Variants in ADAMTS20 observed in about 807,000 individuals in gnomAD.
The protein encoded by ADAMTS20 is A disintegrin and metalloproteinase with thrombospondin motifs 20.
A neutral mutation model predicts 260.1 loss-of-function variants in ADAMTS20; 225 were observed. The observed-to-expected ratio is 0.87, with a 90% CI of 0.78 to 0.97. The LOEUF (loss-of-function observed/expected upper bound fraction) is 0.97, where lower values mean the gene tolerates loss of function less well. Among genes scored for constraint, ADAMTS20 ranks in the 50% least tolerant of loss-of-function variants. The pLI, the probability that ADAMTS20 is intolerant of heterozygous loss-of-function variation, is 0.00. For missense variants in ADAMTS20, 2,400 were observed against 2,337.7 expected, an observed-to-expected ratio of 1.03 and a Z score of -0.55; for synonymous variants, 802 against 769.5, an observed-to-expected ratio of 1.04 and a Z score of -0.70.
intron 3 of ADAMTS20, among the ~76,000 whole-genome samples, chr12:43,511,998 T>C (rs1442091230): frequency 6.6e-6 from 1 of 152,030 alleles, no homozygotes; most frequent in African/African-American, 2.4e-5. Context: ...GGATCTATTA[T>C]ATGCCCTATG....
chr12:43,367,048 G>C (rs1019732121), intron 37 of ADAMTS20, among the ~76,000 whole-genome samples: 2 of 151,902 alleles, frequency 1.3e-5, no homozygotes, highest in African/African-American at 4.8e-5. Flanking sequence ...AATAAAGAGA[G>C]TAAATTGGTA....
intron 2 of ADAMTS20, among the ~76,000 whole-genome samples, chr12:43,543,999 T>G (rs1046528087): frequency 9.9e-5 from 15 of 152,212 alleles, no homozygotes; most frequent in African/African-American, 2.7e-4. Context: ...CAAAACCTAA[T>G]AGTGGCTGTT....
At chr12:43,439,551 G>GT in intron 18 of ADAMTS20, 71 bp downstream of exon 18, 4 of 1,531,390 alleles carry the variant, frequency 2.6e-6, no homozygotes, top group Non-Finnish European at 3.5e-6. Flanking sequence ...AGGCAGCCAA[G>GT]ACTCAAAAGT....
intron 28 of ADAMTS20, chr12:43,423,568 G>GTAA (rs1359804338): frequency 3.4e-6 from 2 of 593,812 alleles, no homozygotes; most frequent in East Asian, 2.8e-5. Flanking sequence ...TTCCAAGAAA[G>GTAA]TAATCCACAG....
At chr12:43,540,131 A>G (rs1235917108) in intron 2 of ADAMTS20, among the ~76,000 whole-genome samples, 1 of 152,098 alleles carries the variant, frequency 6.6e-6, no homozygotes, top group Non-Finnish European at 1.5e-5. Context: ...CAGCCTCCCA[A>G]AGTGCTGGGA....
intron 2 of ADAMTS20, among the ~76,000 whole-genome samples, chr12:43,537,284 A>T (rs1162020500): frequency 1.3e-5 from 2 of 151,554 alleles, no homozygotes; most frequent in Non-Finnish European, 2.9e-5. Flanking sequence ...CGAACTCCTG[A>T]GTTCAAGTGG....
rs77277409 is a variant in ADAMTS20 at position 43,502,358 on chromosome 12, T to G, written c.661A>C (p.Met221Leu). 3,211 of 1,608,714 alleles carry G rather than the reference T, an allele frequency of 2.0e-3. 62 individuals are homozygous for G. The African/African-American group carries it at 0.037, about 18-fold the overall frequency. The change falls in exon 4 of 39, where the codon ATG (methionine) becomes CTG (leucine). Residue 221 changes from methionine (M) to leucine (L), a missense_variant. Transcript: ENST00000389420. ...TTCATTACATTAAGATCTTCATTCA[T>G]GTTGCTGTAGGTATGAAAGGGTAAA... is the stretch of plus-strand genomic sequence containing the variant. ...TSLPFHTYSNMNEDLNVMKER... is the reference protein window; with the variant it reads ...TSLPFHTYSNLNEDLNVMKER...
chr12:43,383,467 A>C (rs910343445), intron 31 of ADAMTS20, 91 bp downstream of exon 31: 1 of 1,340,232 alleles, frequency 7.5e-7, no homozygotes, highest in African/African-American at 1.5e-5. Context: ...CCTCATATTC[A>C]AATTTTATAC....
intron 28 of ADAMTS20, among the ~76,000 whole-genome samples, chr12:43,414,557 G>A (rs188725504): frequency 1.6e-4 from 24 of 152,170 alleles, no homozygotes; most frequent in Non-Finnish European, 2.8e-4. Context: ...TTCCATAGGT[G>A]CTTCAGAAAA....
intron 37 of ADAMTS20, among the ~76,000 whole-genome samples, chr12:43,358,792 G>C (rs1172924651): frequency 7.7e-5 from 11 of 142,214 alleles, no homozygotes. Context: ...AGTCGAGATC[G>C]CGCCACTGCA....
chr12:43,523,887 A>G (rs1943105827), intron 3 of ADAMTS20, among the ~76,000 whole-genome samples: 1 of 150,030 alleles, frequency 6.7e-6, no homozygotes, highest in African/African-American at 2.4e-5. Context: ...CCACCCTGGT[A>G]GCTTAACACA....
rs182006014 is a variant in ADAMTS20 at position 43,516,997 on chromosome 12, G to A, written c.614-14592C>T. On this transcript the variant is annotated intron_variant, in intron 3 of 38. Coordinates refer to ENST00000389420, the MANE Select transcript of ADAMTS20 (RefSeq NM_025003.5). ...TCATCTTGGTACATGCAGGGAAAAAGCTGGATAAAATTCAACATCCATTCA... is the reference window on the plus strand; with the variant it reads ...TCATCTTGGTACATGCAGGGAAAAAACTGGATAAAATTCAACATCCATTCA... Among the ~76,000 whole-genome samples, 710 of 152,040 alleles carry A rather than the reference G, an allele frequency of 4.7e-3. 7 individuals carry two copies. The highest frequency in any genetic ancestry group is 0.013 in the Admixed American group (195 of 15,270).
chr12:43,363,320 A>G (rs1939914625), intron 37 of ADAMTS20, among the ~76,000 whole-genome samples: 1 of 152,200 alleles, frequency 6.6e-6, no homozygotes, highest in African/African-American at 2.4e-5. Flanking sequence ...AGGCAAGAGT[A>G]GCTGAGAGTC....
chr12:43,425,003 G>T (rs747569196), intron 28 of ADAMTS20, among the ~76,000 whole-genome samples: 1 of 151,872 alleles, frequency 6.6e-6, no homozygotes, highest in Non-Finnish European at 1.5e-5. Context: ...TAAAGCAAAA[G>T]AGACAAAACA....
chr12:43,396,940 T>C (rs948778494), intron 29 of ADAMTS20, among the ~76,000 whole-genome samples: 3 of 152,168 alleles, frequency 2.0e-5, no homozygotes, highest in Admixed American at 1.3e-4. Context: ...TCCACTCCCA[T>C]GCCCCCGTGG....
chr12:43,503,893 T>G (rs2137450983), intron 3 of ADAMTS20, among the ~76,000 whole-genome samples: 1 of 152,294 alleles, frequency 6.6e-6, no homozygotes, highest in Non-Finnish European at 1.5e-5. Context: ...GAACATGATC[T>G]TATTCTTTTT....
chr12:43,498,632 C>T (rs148787784), intron 4 of ADAMTS20, among the ~76,000 whole-genome samples: 200 of 152,336 alleles, frequency 1.3e-3, no homozygotes, highest in African/African-American at 4.6e-3. Flanking sequence ...TGAACAGCTC[C>T]TTCCTAAACT....
intron 37 of ADAMTS20, among the ~76,000 whole-genome samples, chr12:43,361,487 G>A (rs780444308): frequency 2.0e-4 from 30 of 152,230 alleles, no homozygotes; most frequent in Non-Finnish European, 4.3e-4. Context: ...AGAAAACCAT[G>A]CAAGAGAGAC....
intron 7 of ADAMTS20, among the ~76,000 whole-genome samples, chr12:43,483,368 C>A (rs1482366839): frequency 6.6e-6 from 1 of 152,142 alleles, no homozygotes; most frequent in Non-Finnish European, 1.5e-5. Context: ...CTGAATTTTC[C>A]ACCTGTGGGG....
Sources: allele counts gnomAD v4.1 joint callset (sites outside exome capture counted in the v4.1 genomes callset), GRCh38; gene constraint gnomAD v4.1.1; transcripts MANE v1.5; gene names NCBI Gene and HGNC (gene_info 2026-07-23, HGNC 2026-07-21).